Variants in ZNF365 observed in about 807,000 individuals in gnomAD.
The protein encoded by ZNF365 is protein ZNF365.
A neutral mutation model predicts 35.0 loss-of-function variants in ZNF365; 22 were observed. The observed-to-expected ratio is 0.63, with a 90% confidence interval of 0.45 to 0.90. ZNF365 has a LOEUF of 0.90. ZNF365 is among the 40% of genes least tolerant of loss of function. The pLI is 0.00. For synonymous variants in ZNF365, 188 were observed against 196.2 expected, an observed-to-expected ratio of 0.96 and a Z score of 0.35; for missense variants, 448 against 500.3, an observed-to-expected ratio of 0.90 and a Z score of 1.00.
At chr10:62,380,144 T>C (rs1378577133) in intron 2 of ZNF365, among the ~76,000 whole-genome samples, 1 of 152,238 alleles carries the variant, frequency 6.6e-6, no homozygotes, top group East Asian at 1.9e-4. Context: ...AGCCAGACTG[T>C]AGAAGTTGTA....
At position 62,376,772 on chromosome 10, in the gene ZNF365, A is replaced by G; in HGVS notation, c.579A>G (p.Glu193=). ...LTKELAQKTA[E]LLEVRAAFVQ... ...AAGAGTTGGCCCAGAAAACTGCGGAACTGTTGGAAGTTCGGGCAGCTTTTG... is the reference window on the plus strand; with the variant it reads ...AAGAGTTGGCCCAGAAAACTGCGGAGCTGTTGGAAGTTCGGGCAGCTTTTG... The change falls in exon 2 of 5, where the codon GAA becomes GAG. Residue 193 remains glutamate, a synonymous_variant. Transcript: ENST00000395254. The G allele has an allele frequency of 6.2e-7, 1 of 1,614,218 alleles. No individual in the cohort carries two copies. The highest frequency in any genetic ancestry group is 8.5e-7 in the Non-Finnish European group (1 of 1,180,046).
intron 3 of ZNF365, among the ~76,000 whole-genome samples, chr10:62,408,417 A>G (rs117636874): frequency 0.013 from 1,910 of 152,320 alleles, 19 homozygotes; most frequent in Non-Finnish European, 0.016. Context: ...ACAGATAGGT[A>G]TTAACATATC....
chr10:62,430,975 A>G (rs1016639529), intron 3 of ZNF365, among the ~76,000 whole-genome samples: 7 of 152,200 alleles, frequency 4.6e-5, no homozygotes, highest in African/African-American at 1.7e-4. Context: ...GTGGCTGTTT[A>G]TATCTGTCAT....
At chr10:62,411,810 C>A (rs535831617) in intron 3 of ZNF365, among the ~76,000 whole-genome samples, 4 of 151,980 alleles carry the variant, frequency 2.6e-5, no homozygotes, top group Non-Finnish European at 5.9e-5. Flanking sequence ...AACAAAGAGA[C>A]AATGTACCAG....
At chr10:62,469,412 T>C (rs1321265891) in intron 4 of ZNF365, among the ~76,000 whole-genome samples, 1 of 152,220 alleles carries the variant, frequency 6.6e-6, no homozygotes, top group East Asian at 1.9e-4. Flanking sequence ...GCACCCATTT[T>C]ACTTCAGTTA....
chr10:62,469,722 G>C (rs993515315), intron 4 of ZNF365, among the ~76,000 whole-genome samples: 1 of 152,036 alleles, frequency 6.6e-6, no homozygotes, highest in African/African-American at 2.4e-5. Context: ...CTGTGTGCCA[G>C]GAACTAGGCT....
At chr10:62,403,538 G>T (rs989100433), downstream of ZNF365, among the ~76,000 whole-genome samples, 4 of 152,126 alleles carry the variant, frequency 2.6e-5, no homozygotes, top group Non-Finnish European at 5.9e-5. Context: ...GGCGCCTGTA[G>T]TCCCAGCTAC....
intron 1 of ZNF365, among the ~76,000 whole-genome samples, chr10:62,374,864 T>G (rs1224904022): frequency 2.0e-5 from 3 of 152,132 alleles, no homozygotes; most frequent in Non-Finnish European, 4.4e-5. Flanking sequence ...ACTTCCCCTT[T>G]CCTTACCTCT....
intron 4 of ZNF365, among the ~76,000 whole-genome samples, chr10:62,477,600 G>A (rs886602000): frequency 1.3e-5 from 2 of 152,158 alleles, no homozygotes; most frequent in Non-Finnish European, 2.9e-5. Flanking sequence ...GAATGAACTA[G>A]GTTATGCTGC....
At chr10:62,434,214 G>A (rs1348069620) in intron 3 of ZNF365, among the ~76,000 whole-genome samples, 1 of 152,152 alleles carries the variant, frequency 6.6e-6, no homozygotes, top group African/African-American at 2.4e-5. Flanking sequence ...CATTGAATTA[G>A]ATAATCAGTA....
intron 3 of ZNF365, among the ~76,000 whole-genome samples, chr10:62,453,442 A>G (rs1358710108): frequency 6.6e-6 from 1 of 152,212 alleles, no homozygotes; most frequent in Non-Finnish European, 1.5e-5. Context: ...GTTCCATTCA[A>G]GCTGCAAAAG....
downstream of ZNF365, among the ~76,000 whole-genome samples, chr10:62,405,658 G>T (rs1366541119): frequency 6.6e-6 from 1 of 152,170 alleles, no homozygotes; most frequent in African/African-American, 2.4e-5. Context: ...CAAGACCTCT[G>T]CCACCCTTTA....
chr10:62,386,067 T>G (rs561987474), intron 2 of ZNF365, among the ~76,000 whole-genome samples: 16 of 152,200 alleles, frequency 1.1e-4, no homozygotes, highest in African/African-American at 3.6e-4. Context: ...AAATAAGAAG[T>G]AGTAACCATT....
At chr10:62,449,802 T>C (rs1203277542) in intron 3 of ZNF365, among the ~76,000 whole-genome samples, 1 of 149,526 alleles carries the variant, frequency 6.7e-6, no homozygotes, top group African/African-American at 2.5e-5. Flanking sequence ...TGCACTAGTC[T>C]TAGCCTGGTT....
At chr10:62,446,746 C>A (rs1840596049) in intron 3 of ZNF365, among the ~76,000 whole-genome samples, 1 of 152,136 alleles carries the variant, frequency 6.6e-6, no homozygotes, top group Admixed American at 6.6e-5. Context: ...TTGTAGAGTT[C>A]TGGGATTTTG....
At chr10:62,467,358 C>T (rs1254305761) in intron 4 of ZNF365, among the ~76,000 whole-genome samples, 1 of 152,110 alleles carries the variant, frequency 6.6e-6, no homozygotes, top group Non-Finnish European at 1.5e-5. Context: ...TGAAAACTGG[C>T]TGTGAAGATT....
chr10:62,379,610 C>T (rs777167402), intron 2 of ZNF365, among the ~76,000 whole-genome samples: 1 of 152,076 alleles, frequency 6.6e-6, no homozygotes, highest in Non-Finnish European at 1.5e-5. Flanking sequence ...GTGGACAGCA[C>T]CCTCAGTGTC....
At chr10:62,375,177 T>C (rs1839298764) in intron 1 of ZNF365, among the ~76,000 whole-genome samples, 1 of 152,146 alleles carries the variant, frequency 6.6e-6, no homozygotes, top group African/African-American at 2.4e-5. Flanking sequence ...GCTTGCAGAA[T>C]TGGGTTGCCA....
chr10:62,411,134 TA>T (rs1189645250), intron 3 of ZNF365, among the ~76,000 whole-genome samples: 1 of 152,180 alleles, frequency 6.6e-6, no homozygotes, highest in Non-Finnish European at 1.5e-5. Flanking sequence ...GTTTGTTTTT[TA>T]TTATTGTAAA....
Sources: gnomAD v4.1 joint callset for allele counts (sites outside exome capture counted in the v4.1 genomes callset) on GRCh38, gnomAD v4.1.1 for gene constraint, MANE v1.5 for transcripts, NCBI Gene and HGNC (gene_info 2026-07-23, HGNC 2026-07-21) for gene names.